The following TBC1D16 variants were observed in gnomAD, a reference collection of about 807,000 sequenced individuals.
TBC1D16 encodes TBC1 domain family member 16.
TBC1D16 carries 58 observed loss-of-function variants against 74.7 expected under a neutral mutation model. The ratio of observed to expected loss-of-function variants is 0.78; its 90% CI spans 0.63 to 0.97. The LOEUF is 0.97. Among genes scored for constraint, TBC1D16 ranks in the 50% least tolerant of loss-of-function variants. The pLI, the probability that TBC1D16 is intolerant of heterozygous loss-of-function variation, is 0.00. For synonymous variants in TBC1D16, 493 were observed against 474.7 expected (o/e 1.04, Z -0.50); for missense variants, 1,014 against 1,079.5 (o/e 0.94, Z 0.85).
intron 4 of TBC1D16, 107 bp from the exon 5 acceptor site, chr17:79,951,704 GA>G (rs899878167): frequency 6.0e-6 from 8 of 1,325,318 alleles, no homozygotes; most frequent in Non-Finnish European, 8.2e-6. Context: ...TCAGAAGCAG[GA>G]AACAGTGAGT....
chr17:80,005,630 T>A (rs1735811118), intron 3 of TBC1D16, among the ~76,000 whole-genome samples: 1 of 152,118 alleles, frequency 6.6e-6, no homozygotes, highest in South Asian at 2.1e-4. Flanking sequence ...CAGCTCTCCG[T>A]ATCACCCCAT....
chr17:80,032,668 T>A (rs976576109), intron 1 of TBC1D16, among the ~76,000 whole-genome samples: 1 of 152,156 alleles, frequency 6.6e-6, no homozygotes, highest in Non-Finnish European at 1.5e-5. Flanking sequence ...CCCATATTTT[T>A]GGGAAGGGTG....
chr17:79,948,312 CAAAA>C (rs35346852), intron 8 of TBC1D16, among the ~76,000 whole-genome samples: 1 of 136,526 alleles, frequency 7.3e-6, no homozygotes, highest in Admixed American at 7.3e-5. Flanking sequence ...GACTCCGTCT[CAAAA>C]AAAAAAAAAA....
chr17:79,995,716 C>T (rs867178325), intron 3 of TBC1D16, among the ~76,000 whole-genome samples: 5 of 151,918 alleles, frequency 3.3e-5, no homozygotes, highest in East Asian at 1.9e-4. Flanking sequence ...ATCTGGGAGG[C>T]GGAGTTTGCA....
chr17:79,942,254 G>A, intron 10 of TBC1D16, 48 bp from the exon 11 acceptor site: 1 of 1,539,648 alleles, frequency 6.5e-7, no homozygotes, highest in Non-Finnish European at 8.8e-7. Context: ...CGAGCCCCAG[G>A]CCCTGCACTC....
chr17:79,941,091 T>A lies in TBC1D16; in HGVS notation c.2072A>T (p.Tyr691Phe), dbSNP rs765134597. ...LVLRKARSLL[Y>F]QFRLLPRIPC... ...GATCCGGGGCAGGAGGCGGAACTGG[T>A]ACAGCAAACTCCTCGCCTGCAGACA... is the stretch of plus-strand genomic sequence containing the variant. The change falls in exon 12 of 12, where the codon TAC (tyrosine) becomes TTC (phenylalanine). Residue 691 changes from tyrosine (Y) to phenylalanine (F), a missense_variant. Physicochemically the swap from Tyr to Phe is conservative, Grantham distance 22. Coordinates refer to ENST00000310924, the MANE Select transcript of TBC1D16 (RefSeq NM_019020.4). The surrounding 1 kb of genome is among the most constrained non-coding windows in gnomAD (Gnocchi z 4.3). The A allele has an allele frequency of 6.3e-7, 1 of 1,582,856 alleles. No homozygotes were observed. The highest frequency in any genetic ancestry group is 1.8e-5 in the Admixed American group (1 of 57,028).
At chr17:79,998,637 A>G (rs2035367991) in intron 3 of TBC1D16, among the ~76,000 whole-genome samples, 1 of 149,322 alleles carries the variant, frequency 6.7e-6, no homozygotes, top group Admixed American at 6.8e-5. Flanking sequence ...GAGCCACCGC[A>G]CCCGGCCCAG....
chr17:79,990,273 C>T lies in TBC1D16; in HGVS notation c.779+19887G>A, dbSNP rs533980266. ...CGTGTGCGGTGACGGGTCTCGGGCGCCCAGCCAGCGAGGGGCCGGCTCCAG... is the reference window on the plus strand; with the variant it reads ...CGTGTGCGGTGACGGGTCTCGGGCGTCCAGCCAGCGAGGGGCCGGCTCCAG... On this transcript the variant is annotated intron_variant, in intron 3 of 11. Coordinates refer to ENST00000310924, the MANE Select transcript of TBC1D16 (RefSeq NM_019020.4). The surrounding 1 kb of genome is among the most constrained non-coding windows in gnomAD (Gnocchi z 4.8). 3.9e-4 allele frequency among the ~76,000 whole-genome samples: 59 copies of T among 152,340 alleles called. No individual in the cohort carries two copies. Among genetic ancestry groups the T allele is most frequent in the African/African-American group, 1.4e-3 (59 of 41,578 alleles).
At chr17:79,960,808 A>C (rs920736359) in intron 3 of TBC1D16, among the ~76,000 whole-genome samples, 23 of 139,622 alleles carry the variant, frequency 1.6e-4, no homozygotes, top group African/African-American at 4.1e-4. Flanking sequence ...AAAAAAAAAA[A>C]ACGAAGGAAT....
In TBC1D16 at chr17:79,980,099, C is replaced by G. The variant is rs143949335; in HGVS notation, c.780-27281G>C. Among the ~76,000 whole-genome samples the G allele has an allele frequency of 6.6e-6, 1 of 152,146 alleles. No homozygotes were observed. The highest frequency in any genetic ancestry group is 2.4e-5 in the African/African-American group (1 of 41,426). On this transcript the variant is annotated intron_variant, in intron 3 of 11. Coordinates refer to ENST00000310924, the MANE Select transcript of TBC1D16 (RefSeq NM_019020.4). The surrounding 1 kb of genome is among the most constrained non-coding windows in gnomAD (Gnocchi z 7.0). ...TGGCCGCGAGGTTCATCTGGGCCTC[C>G]GAGCCTCCCAGCGCATCCCACTGCT...
rs1383474840 is a variant in TBC1D16, at chr17:79,988,492, A to G, written c.779+21668T>C. ...GCAACCGGACGGAAGCTGCCCAATCATAAGACCATGGCTGAAAGTCAAACG... is the reference window on the plus strand; with the variant it reads ...GCAACCGGACGGAAGCTGCCCAATCGTAAGACCATGGCTGAAAGTCAAACG... On this transcript the variant is annotated intron_variant, in intron 3 of 11. Transcript: ENST00000310924. The surrounding 1 kb of genome is among the most constrained non-coding windows in gnomAD (Gnocchi z 5.7). Among the ~76,000 whole-genome samples, 1 of 152,278 alleles carries G rather than the reference A, an allele frequency of 6.6e-6. No homozygotes were observed. Among genetic ancestry groups the G allele is most frequent in the Non-Finnish European group, 1.5e-5 (1 of 68,046 alleles).
rs528966667 is a variant in TBC1D16, at chr17:79,954,816, C to G, written c.780-1998G>C. 7.9e-5 allele frequency among the ~76,000 whole-genome samples: 12 copies of G among 152,216 alleles called. No homozygotes were observed. Among genetic ancestry groups the G allele is most frequent in the Admixed American group, 2.6e-4 (4 of 15,284 alleles). On this transcript the variant is annotated intron_variant, in intron 3 of 11. Transcript: ENST00000310924. The surrounding 1 kb of genome is among the most constrained non-coding windows in gnomAD (Gnocchi z 5.5). ...TGGTATCCTTTCCCGCCTCCTCCCC[C>G]AGCCTTCTTACCACACCCAACAGCA...
chr17:79,970,336 T>C (rs565990526), intron 3 of TBC1D16, among the ~76,000 whole-genome samples: 7 of 152,196 alleles, frequency 4.6e-5, no homozygotes, highest in Non-Finnish European at 1.0e-4. Flanking sequence ...GGGATGAAAA[T>C]GTTCTGGAAT....
chr17:80,015,404 A>G (rs1422686001), intron 1 of TBC1D16, among the ~76,000 whole-genome samples: 1 of 152,192 alleles, frequency 6.6e-6, no homozygotes, highest in Non-Finnish European at 1.5e-5. Flanking sequence ...ACTGCACTCC[A>G]GCCTGGGCGA....
At chr17:79,949,138 G>C in intron 7 of TBC1D16, 132 bp from the exon 8 acceptor site, 1 of 1,173,490 alleles carries the variant, frequency 8.5e-7, no homozygotes, top group South Asian at 1.4e-5. Context: ...GCTGCTGCCG[G>C]CTGCAGACCC....
In TBC1D16 at chr17:79,949,732, TCA is replaced by T. The variant is rs1328737174; in HGVS notation, c.1389_1390del (p.Glu464AspfsTer19). On this transcript the variant is annotated frameshift_variant, in exon 7 of 12. Transcript: ENST00000310924. LOFTEE classifies it high-confidence loss of function. The stretch of plus-strand genomic sequence containing the variant: ...CGGCGGTTACCTTTTCTGCTGGATC[TCA>T]GAGTACTCCTTTCGCTTCTGCAGCC... 1.2e-6 allele frequency: 2 copies of T among 1,611,846 alleles called. No homozygotes were observed. Among genetic ancestry groups the T allele is most frequent in the Non-Finnish European group, 1.7e-6 (2 of 1,178,846 alleles).
At chr17:80,014,920 T>C (rs1240435427) in intron 1 of TBC1D16, among the ~76,000 whole-genome samples, 1 of 151,946 alleles carries the variant, frequency 6.6e-6, no homozygotes, top group Non-Finnish European at 1.5e-5. Context: ...ACGTATGAAA[T>C]GTATATATAA....
intron 2 of TBC1D16, among the ~76,000 whole-genome samples, chr17:80,013,122 G>A (rs190727101): frequency 1.3e-5 from 2 of 152,374 alleles, no homozygotes; most frequent in Admixed American, 1.3e-4. Flanking sequence ...AGGCCTGAGG[G>A]ATCACTAACC....
chr17:80,001,089 C>A lies in TBC1D16; in HGVS notation c.779+9071G>T, dbSNP rs1232507727. ...TTGGCTTCTCCGCCTGACAGTGAGA[C>A]TGCTGGGGCGAGGCTATGTCCTGTG... On this transcript the variant is annotated intron_variant, in intron 3 of 11. Coordinates refer to ENST00000310924, the MANE Select transcript of TBC1D16 (RefSeq NM_019020.4). This position sits in a 1 kb window ranked among gnomAD's most constrained non-coding sequence, Gnocchi z 5.8. Among the ~76,000 whole-genome samples, 1 of 152,246 alleles carries A rather than the reference C, an allele frequency of 6.6e-6. No individual in the cohort carries two copies. Among genetic ancestry groups the A allele is most frequent in the African/African-American group, 2.4e-5 (1 of 41,470 alleles).
Sources: allele counts gnomAD v4.1 joint callset (sites outside exome capture counted in the v4.1 genomes callset), GRCh38; gene constraint gnomAD v4.1.1; non-coding constraint Gnocchi (gnomAD v3.1); transcripts MANE v1.5; gene names NCBI Gene and HGNC (gene_info 2026-07-23, HGNC 2026-07-21).